Variants in ANKS1B observed in about 807,000 individuals in gnomAD.
ANKS1B encodes ankyrin repeat and sterile alpha motif domain containing 1B.
In ANKS1B, 36 loss-of-function variants were observed where a neutral mutation model predicts 148.3. That is an observed-to-expected ratio of 0.24 (90% CI 0.19 to 0.32). ANKS1B has a LOEUF of 0.32. Among genes scored for constraint, ANKS1B ranks in the 10% least tolerant of loss-of-function variants. The pLI is 1.00. For missense variants in ANKS1B, 1,157 were observed against 1,542.6 expected, an observed-to-expected ratio of 0.75 and a Z score of 4.19; for synonymous variants, 542 against 560.8, an observed-to-expected ratio of 0.97 and a Z score of 0.47.
At chr12:98,896,907 C>G (rs1326122544) in intron 17 of ANKS1B, among the ~76,000 whole-genome samples, 7 of 152,182 alleles carry the variant, frequency 4.6e-5, no homozygotes, top group Admixed American at 2.6e-4. Context: ...TCCAGGTCAT[C>G]ATTCTCTTGT....
At chr12:99,348,644 T>G (rs1451545972) in intron 12 of ANKS1B, among the ~76,000 whole-genome samples, 1 of 151,864 alleles carries the variant, frequency 6.6e-6, no homozygotes, top group East Asian at 1.9e-4. Context: ...AATGACTTAT[T>G]TAAATTGCTG....
rs112332187 is a variant in ANKS1B at position 99,084,544 on chromosome 12, C to A, written c.2625+381G>T. Among the ~76,000 whole-genome samples the A allele has an allele frequency of 2.5e-3, 382 of 152,218 alleles. 2 individuals carry two copies. The highest frequency in any genetic ancestry group is 4.9e-3 in the Non-Finnish European group (332 of 68,012). ...CCAACATGGCAAAATCCCATCTCTA[C>A]TAAAAATACATACACACACAAAAAT... On this transcript the variant is annotated intron_variant, in intron 16 of 26. Coordinates refer to ENST00000683438, the MANE Select transcript of ANKS1B (RefSeq NM_001352186.2).
intron 1 of ANKS1B, 32 bp downstream of exon 1, chr12:99,984,072 G>A (rs757051918): frequency 1.1e-5 from 18 of 1,589,650 alleles, no homozygotes; most frequent in Non-Finnish European, 1.5e-5. Context: ...ATAATGAGGT[G>A]TGCCAACCCC....
At chr12:99,797,572 C>T (rs916877656) in intron 4 of ANKS1B, among the ~76,000 whole-genome samples, 8 of 151,582 alleles carry the variant, frequency 5.3e-5, no homozygotes, top group African/African-American at 1.9e-4. Flanking sequence ...TTTCCAAAAT[C>T]GATAATCATG....
chr12:99,191,625 A>G (rs970385733), intron 14 of ANKS1B, among the ~76,000 whole-genome samples: 13 of 152,156 alleles, frequency 8.5e-5, no homozygotes, highest in Non-Finnish European at 1.6e-4. Flanking sequence ...ACTCTCACTC[A>G]TAAGTGGGAA....
chr12:99,392,148 G>A (rs2094095151), intron 12 of ANKS1B, among the ~76,000 whole-genome samples: 1 of 152,248 alleles, frequency 6.6e-6, no homozygotes, highest in Non-Finnish European at 1.5e-5. Context: ...TCAGCAGCCT[G>A]TTCCTGGCCT....
At chr12:99,318,179 T>A (rs1303985552) in intron 12 of ANKS1B, among the ~76,000 whole-genome samples, 1 of 152,220 alleles carries the variant, frequency 6.6e-6, no homozygotes, top group Non-Finnish European at 1.5e-5. Flanking sequence ...GCTGTCCTCA[T>A]AAAATGAGTT....
At chr12:99,316,327 C>G (rs562001202) in intron 12 of ANKS1B, among the ~76,000 whole-genome samples, 8 of 152,156 alleles carry the variant, frequency 5.3e-5, no homozygotes, top group Admixed American at 1.3e-4. Flanking sequence ...TCCTCTCCAG[C>G]ACCTGTTGTT....
intron 12 of ANKS1B, among the ~76,000 whole-genome samples, chr12:99,260,091 T>A (rs1303573195): frequency 6.6e-6 from 1 of 152,168 alleles, no homozygotes; most frequent in Non-Finnish European, 1.5e-5. Context: ...CCTCTTTAAC[T>A]CAAGTCGGTT....
chr12:99,425,171 C>A (rs2152728496), intron 11 of ANKS1B, among the ~76,000 whole-genome samples: 1 of 152,020 alleles, frequency 6.6e-6, no homozygotes, highest in Admixed American at 6.5e-5. Context: ...TATAAACACA[C>A]ACCCACAGTT....
chr12:99,633,817 G>A (rs1021656670), intron 9 of ANKS1B, among the ~76,000 whole-genome samples: 1 of 152,168 alleles, frequency 6.6e-6, no homozygotes, highest in Non-Finnish European at 1.5e-5. Flanking sequence ...CAACAAGTGG[G>A]CGAAGGATAT....
intron 9 of ANKS1B, among the ~76,000 whole-genome samples, chr12:99,511,330 C>A (rs1352512033): frequency 6.6e-6 from 1 of 151,946 alleles, no homozygotes; most frequent in African/African-American, 2.4e-5. Flanking sequence ...ACTAAGAGAG[C>A]AAAATGGCTA....
chr12:99,838,671 C>T (rs1474762885), intron 1 of ANKS1B, among the ~76,000 whole-genome samples: 1 of 151,992 alleles, frequency 6.6e-6, no homozygotes, highest in African/African-American at 2.4e-5. Flanking sequence ...TGTTTCTAGC[C>T]TTGGTACCAT....
intron 12 of ANKS1B, among the ~76,000 whole-genome samples, chr12:99,299,473 C>T (rs1032390): frequency 0.3 from 45,862 of 152,080 alleles, 9,347 homozygotes; most frequent in African/African-American, 0.59. Flanking sequence ...ATAAATTACT[C>T]TTACGCTTTT....
intron 15 of ANKS1B, among the ~76,000 whole-genome samples, chr12:99,099,288 T>C (rs1215346352): frequency 6.6e-6 from 1 of 152,212 alleles, no homozygotes; most frequent in Non-Finnish European, 1.5e-5. Context: ...ATCAAGCATG[T>C]CCTGATGAAG....
chr12:98,969,628 T>A (rs1409504306), intron 17 of ANKS1B, among the ~76,000 whole-genome samples: 2 of 152,156 alleles, frequency 1.3e-5, no homozygotes, highest in South Asian at 2.1e-4. Flanking sequence ...AAATACCACA[T>A]GGGATTATTA....
At chr12:98,831,307 T>G (rs1235464563) in intron 18 of ANKS1B, 1 of 152,210 alleles carries the variant, frequency 6.6e-6, no homozygotes, top group Non-Finnish European at 1.5e-5. Context: ...AAGTAAGGTT[T>G]TAGATTCTCT....
chr12:99,585,798 C>T (rs2097630650), intron 9 of ANKS1B, among the ~76,000 whole-genome samples: 1 of 152,174 alleles, frequency 6.6e-6, no homozygotes, highest in African/African-American at 2.4e-5. Flanking sequence ...CAGGCTGTAC[C>T]TTGGCTCCTT....
At chr12:98,983,376 T>A (rs1292483033) in intron 17 of ANKS1B, among the ~76,000 whole-genome samples, 3 of 152,164 alleles carry the variant, frequency 2.0e-5, no homozygotes, top group Admixed American at 6.5e-5. Context: ...CCTCCACTTA[T>A]CAATGGAGAC....
Sources: allele counts gnomAD v4.1 joint callset (sites outside exome capture counted in the v4.1 genomes callset), GRCh38; gene constraint gnomAD v4.1.1; transcripts MANE v1.5; gene names NCBI Gene and HGNC (gene_info 2026-07-23, HGNC 2026-07-21).